Variants in ARL15 observed in about 807,000 individuals in gnomAD.
ARL15 encodes ADP-ribosylation factor-like protein 15.
ARL15 carries 19 observed loss-of-function variants against 25.2 expected under a neutral mutation model. The ratio of observed to expected loss-of-function variants is 0.75; its 90% CI spans 0.53 to 1.10. The LOEUF (loss-of-function observed/expected upper bound fraction) is 1.10, where lower values mean the gene tolerates loss of function less well. Ranked by LOEUF, ARL15 falls within the 50% of genes least tolerant of loss-of-function variation. The probability of loss-of-function intolerance (pLI) is 0.00; values close to 1 mark genes in which losing one functional copy is unlikely to be tolerated. For synonymous variants in ARL15, 94 were observed against 86.8 expected, an observed-to-expected ratio of 1.08 and a Z score of -0.46; for missense variants, 220 against 246.0, an observed-to-expected ratio of 0.89 and a Z score of 0.71.
At chr5:54,179,581 G>A (rs2112423966) in intron 1 of ARL15, among the ~76,000 whole-genome samples, 1 of 152,236 alleles carries the variant, frequency 6.6e-6, no homozygotes, top group East Asian at 1.9e-4. Flanking sequence ...TGCTGAATTA[G>A]AGAGCAGGGG....
intron 4 of ARL15, among the ~76,000 whole-genome samples, chr5:53,927,447 C>T (rs1285692569): frequency 1.3e-5 from 2 of 152,166 alleles, no homozygotes; most frequent in Non-Finnish European, 1.5e-5. Context: ...ACATTTGGCT[C>T]TGTTATTTCC....
chr5:54,072,430 T>G (rs1751458589), intron 4 of ARL15, among the ~76,000 whole-genome samples: 1 of 152,158 alleles, frequency 6.6e-6, no homozygotes, highest in Non-Finnish European at 1.5e-5. Context: ...GGTGGCTCAG[T>G]GTCACTAAGC....
rs147664991 is a variant in ARL15, at chr5:53,913,286, G to A, written c.463-26573C>T. Among the ~76,000 whole-genome samples the A allele has an allele frequency of 4.7e-4, 72 of 152,298 alleles. 1 individual carries two copies. The highest frequency in any genetic ancestry group is 6.8e-3 in the Middle Eastern group (2 of 294). Reference sequence around the variant, plus strand: ...CCACTGCATTTCCCCATGGGCAACAGAGTGATATTCTGTGTCAACAAAACA... The same window carrying A: ...CCACTGCATTTCCCCATGGGCAACAAAGTGATATTCTGTGTCAACAAAACA... On this transcript the variant is annotated intron_variant, in intron 4 of 4. Transcript: ENST00000504924.
At chr5:54,122,923 C>T (rs1024849303) in intron 3 of ARL15, among the ~76,000 whole-genome samples, 1 of 152,168 alleles carries the variant, frequency 6.6e-6, no homozygotes, top group Non-Finnish European at 1.5e-5. Context: ...TGCTGTTCAT[C>T]ACTGTGTCTC....
chr5:54,184,543 A>C (rs1050527638), intron 1 of ARL15, among the ~76,000 whole-genome samples: 5 of 149,150 alleles, frequency 3.4e-5, no homozygotes, highest in Non-Finnish European at 7.4e-5. Context: ...AATCCCTAGG[A>C]GGAAAGATCT....
In ARL15 at chr5:54,113,147, G is replaced by A. The variant is rs1025195020; in HGVS notation, c.462+55C>T. The A allele has an allele frequency of 1.6e-5, 25 of 1,560,586 alleles. No individual in the cohort carries two copies. In the Admixed American group the frequency reaches 4.3e-4, roughly 27 times the overall value. The stretch of plus-strand genomic sequence containing the variant: ...CATGCATTTTTCCAGGTTCCAACGT[G>A]GCAGCAAAAGTACAAGCAAGGAAGA... On this transcript the variant is annotated intron_variant, in intron 4 of 4. Transcript: ENST00000504924.
intron 4 of ARL15, among the ~76,000 whole-genome samples, chr5:53,996,217 G>T (rs1485786058): frequency 1.3e-5 from 2 of 152,212 alleles, no homozygotes; most frequent in African/African-American, 2.4e-5. Flanking sequence ...TCAGATTGCA[G>T]ACTAGTGTCT....
At chr5:54,147,160 C>G (rs751263477) in intron 3 of ARL15, among the ~76,000 whole-genome samples, 2 of 152,162 alleles carry the variant, frequency 1.3e-5, no homozygotes, top group Admixed American at 6.5e-5. Context: ...GTACACAGCT[C>G]AGGGAGCCAG....
intron 1 of ARL15, among the ~76,000 whole-genome samples, chr5:54,305,193 C>A (rs1465394211): frequency 6.6e-6 from 1 of 152,074 alleles, no homozygotes; most frequent in Non-Finnish European, 1.5e-5. Context: ...CCTATCAAAT[C>A]TAATCTTATT....
intron 2 of ARL15, among the ~76,000 whole-genome samples, chr5:54,158,718 CA>C (rs1386042838): frequency 5.7e-4 from 86 of 152,194 alleles, no homozygotes; most frequent in African/African-American, 2.0e-3. Context: ...ACTAAAAATA[CA>C]AAAATTAGCT....
intron 4 of ARL15, among the ~76,000 whole-genome samples, chr5:54,048,818 C>T (rs763160816): frequency 5.3e-5 from 8 of 151,560 alleles, no homozygotes; most frequent in East Asian, 1.9e-4. Flanking sequence ...AACAACAGTC[C>T]GACATTTGGG....
chr5:53,926,283 T>C (rs1248615322), intron 4 of ARL15, among the ~76,000 whole-genome samples: 1 of 151,994 alleles, frequency 6.6e-6, no homozygotes, highest in Non-Finnish European at 1.5e-5. Flanking sequence ...TACTAGATCA[T>C]AGAAGTCAGG....
chr5:54,165,754 A>ATATT (rs397776709), intron 2 of ARL15, among the ~76,000 whole-genome samples: 2 of 150,866 alleles, frequency 1.3e-5, no homozygotes, highest in East Asian at 3.9e-4. Flanking sequence ...ATATATATAT[A>ATATT]AATAGAGACA....
intron 4 of ARL15, among the ~76,000 whole-genome samples, chr5:53,917,035 T>C (rs760900843): frequency 1.5e-4 from 23 of 152,196 alleles, no homozygotes; most frequent in Admixed American, 1.5e-3. Flanking sequence ...CAGTTTTCAT[T>C]TTCTTTTCTT....
chr5:54,182,867 C>A (rs1270300168), intron 1 of ARL15, among the ~76,000 whole-genome samples: 5 of 151,478 alleles, frequency 3.3e-5, no homozygotes, highest in African/African-American at 9.7e-5. Flanking sequence ...TCCTTCACGT[C>A]CCTTGTAAGG....
chr5:54,039,968 T>C lies in ARL15; in HGVS notation c.462+73234A>G, dbSNP rs143710152. Among the ~76,000 whole-genome samples the C allele has an allele frequency of 8.5e-3, 1,289 of 152,202 alleles. 24 individuals are homozygous for C. The highest frequency in any genetic ancestry group is 0.03 in the African/African-American group (1,232 of 41,520). On this transcript the variant is annotated intron_variant, in intron 4 of 4. Coordinates refer to ENST00000504924, the MANE Select transcript of ARL15 (RefSeq NM_019087.3). ...ACAATGTGTACGTAAAATTATAAAA[T>C]TGTATGGTTGAAACTGTAATGCATT...
At chr5:54,053,482 A>G (rs1204719752) in intron 4 of ARL15, among the ~76,000 whole-genome samples, 2 of 152,250 alleles carry the variant, frequency 1.3e-5, no homozygotes, top group African/African-American at 4.8e-5. Context: ...ACAGTAGAGT[A>G]TGAAAAAAGA....
chr5:54,082,603 C>T (rs1447553149), intron 4 of ARL15, among the ~76,000 whole-genome samples: 1 of 152,158 alleles, frequency 6.6e-6, no homozygotes, highest in Admixed American at 6.5e-5. Flanking sequence ...ATCTAATCAA[C>T]TCCTACCAAG....
intron 1 of ARL15, chr5:54,282,515 G>C (rs1758083953): frequency 2.0e-6 from 2 of 985,214 alleles, no homozygotes; most frequent in African/African-American, 3.5e-5. Flanking sequence ...AATAAAGTCT[G>C]GGGCATGTGG....
Sources: allele counts gnomAD v4.1 joint callset (sites outside exome capture counted in the v4.1 genomes callset), GRCh38; gene constraint gnomAD v4.1.1; transcripts MANE v1.5; gene names NCBI Gene and HGNC (gene_info 2026-07-23, HGNC 2026-07-21).